PIEZO2: variants seen among roughly 807,000 people sequenced by gnomAD.
PIEZO2 encodes piezo type mechanosensitive ion channel component 2.
PIEZO2 carries 172 observed loss-of-function variants against 337.3 expected under a neutral mutation model. The observed-to-expected ratio is 0.51, with a 90% confidence interval of 0.45 to 0.58. PIEZO2 has a LOEUF of 0.58. Ranked by LOEUF, PIEZO2 falls within the 20% of genes least tolerant of loss-of-function variation. The pLI, the probability that PIEZO2 is intolerant of heterozygous loss-of-function variation, is 0.00. For missense variants in PIEZO2, 3,028 were observed against 3,391.3 expected, an observed-to-expected ratio of 0.89 and a Z score of 2.66; for synonymous variants, 1,251 against 1,228.5, an observed-to-expected ratio of 1.02 and a Z score of -0.38.
chr18:10,938,386 G>A (rs1252419875), intron 3 of PIEZO2, among the ~76,000 whole-genome samples: 1 of 152,306 alleles, frequency 6.6e-6, no homozygotes, highest in East Asian at 1.9e-4. Context: ...ATTAATAGCA[G>A]CAAGGTCTGA....
intron 2 of PIEZO2, among the ~76,000 whole-genome samples, chr18:11,018,834 A>G (rs1241742026): frequency 1.3e-5 from 2 of 152,158 alleles, no homozygotes; most frequent in Non-Finnish European, 2.9e-5. Flanking sequence ...GAGGTATACA[A>G]TTCTACCCAT....
At position 10,797,502 on chromosome 18, in the gene PIEZO2, C is replaced by T. The variant is rs1182477939; in HGVS notation, c.1399G>A (p.Glu467Lys). ...ESSEKREEEE[E>K]EKEEFEEERS... ...TCTTCTTCAAATTCTTCTTTCTCTT[C>T]CTCTTCCTCCTCTCGCTTTTCTAGA... The change falls in exon 12 of 56, where the codon GAA (glutamate) becomes AAA (lysine). Residue 467 changes from glutamate (E) to lysine (K), a missense_variant. Coordinates refer to ENST00000674853, the MANE Select transcript of PIEZO2 (RefSeq NM_001378183.1). The T allele has an allele frequency of 1.0e-5, 16 of 1,536,794 alleles. No homozygotes were observed. In the Admixed American group the frequency reaches 1.6e-4, roughly 15 times the overall value.
intron 43 of PIEZO2, among the ~76,000 whole-genome samples, chr18:10,701,001 A>G (rs997845534): frequency 1.2e-4 from 19 of 152,362 alleles, no homozygotes; most frequent in Admixed American, 8.5e-4. Flanking sequence ...AGTTTGAAAT[A>G]GCTCACTGAG....
chr18:11,141,062 C>T (rs1303507678), intron 1 of PIEZO2, among the ~76,000 whole-genome samples: 8 of 152,112 alleles, frequency 5.3e-5, no homozygotes, highest in Non-Finnish European at 4.4e-5. Flanking sequence ...GTTAACATAC[C>T]CGCTCCAATC....
chr18:10,758,679 G>A (rs940732913), intron 26 of PIEZO2, among the ~76,000 whole-genome samples: 2 of 152,136 alleles, frequency 1.3e-5, no homozygotes, highest in African/African-American at 2.4e-5. Context: ...ATCTTTTTAT[G>A]TGTGGTGGAT....
chr18:10,858,668 G>A (rs1158473047), intron 5 of PIEZO2, among the ~76,000 whole-genome samples: 2 of 152,192 alleles, frequency 1.3e-5, no homozygotes, highest in Admixed American at 1.3e-4. Flanking sequence ...AGGGACTGGA[G>A]TGCCAGTGCC....
chr18:10,766,228 AAC>A lies in PIEZO2; in HGVS notation c.2947-3132_2947-3131del, dbSNP rs2038348842. ...AAGGAAAGAAGAAGAAAGAAGGAGGAACAGGAGGAGGAGGAGGGATAAGGAAG... is the reference window on the plus strand; with the variant it reads ...AAGGAAAGAAGAAGAAAGAAGGAGGAAGGAGGAGGAGGAGGGATAAGGAAG... On this transcript the variant is annotated intron_variant, in intron 21 of 55. Transcript: ENST00000674853. This position sits in a 1 kb window ranked among gnomAD's most constrained non-coding sequence, Gnocchi z 6.1. Among the ~76,000 whole-genome samples, 11 of 102,458 alleles carry A rather than the reference AAC, an allele frequency of 1.1e-4. No individual in the cohort carries two copies. The highest frequency in any genetic ancestry group is 3.4e-4 in the South Asian group (1 of 2,982). The allele number at this position is 102,458 out of a possible 152,430, so 67.2% of individuals were successfully genotyped here. A position where few individuals can be genotyped will look rare whatever the true frequency, so the allele number is the denominator to read the frequency against.
intron 7 of PIEZO2, among the ~76,000 whole-genome samples, chr18:10,829,773 A>T (rs1312148093): frequency 2.6e-5 from 4 of 152,192 alleles, no homozygotes; most frequent in Non-Finnish European, 2.9e-5. Flanking sequence ...GAAAACTATA[A>T]AACATTGATG....
chr18:10,936,509 C>T (rs566767516), intron 3 of PIEZO2, among the ~76,000 whole-genome samples: 1 of 152,200 alleles, frequency 6.6e-6, no homozygotes, highest in East Asian at 1.9e-4. Flanking sequence ...TCCAGGGCTA[C>T]CGATGCGAAA....
chr18:10,906,318 T>C (rs1346305531), intron 4 of PIEZO2, among the ~76,000 whole-genome samples: 3 of 152,214 alleles, frequency 2.0e-5, no homozygotes, highest in Admixed American at 6.5e-5. Flanking sequence ...TTACACAGAA[T>C]GACTGAGAAT....
At chr18:11,020,964 G>C (rs915233250) in intron 2 of PIEZO2, among the ~76,000 whole-genome samples, 3 of 152,188 alleles carry the variant, frequency 2.0e-5, no homozygotes, top group Non-Finnish European at 4.4e-5. Flanking sequence ...GAAAGTGAAA[G>C]GTACAAAAAG....
intron 3 of PIEZO2, among the ~76,000 whole-genome samples, chr18:10,975,389 C>A (rs1176205345): frequency 6.6e-6 from 1 of 151,872 alleles, no homozygotes; most frequent in African/African-American, 2.4e-5. Context: ...GTAAGCGGCA[C>A]AACATATGTT....
intron 15 of PIEZO2, 46 bp downstream of exon 15, chr18:10,789,033 C>T (rs763892206): frequency 3.3e-6 from 5 of 1,502,020 alleles, no homozygotes; most frequent in Non-Finnish European, 4.4e-6. Context: ...CTCATGTATA[C>T]TCCTGGGAGA....
At chr18:11,011,118 C>A (rs2035884513) in intron 2 of PIEZO2, among the ~76,000 whole-genome samples, 1 of 152,188 alleles carries the variant, frequency 6.6e-6, no homozygotes, top group Admixed American at 6.5e-5. Context: ...CACAAATAGC[C>A]TCCTAAAGAC....
intron 7 of PIEZO2, among the ~76,000 whole-genome samples, chr18:10,823,642 C>T (rs1219617973): frequency 6.6e-6 from 1 of 152,082 alleles, no homozygotes; most frequent in Non-Finnish European, 1.5e-5. Context: ...TCAAAAAGTA[C>T]AGAGTGTGTG....
rs1032072130 is a variant in PIEZO2 at position 11,149,292 on chromosome 18, C to G, written c.-704G>C. On this transcript the variant is annotated 5_prime_UTR_variant, in exon 1 of 56. Transcript: ENST00000674853. This position sits in a 1 kb window ranked among gnomAD's most constrained non-coding sequence, Gnocchi z 8.7. ...GCTGCCAGGCGCGCAGAACCATCCC[C>G]GCCACCACGGGGCTCGCCTTGTGGG... is the stretch of plus-strand genomic sequence containing the variant. 3.3e-5 allele frequency among the ~76,000 whole-genome samples: 5 copies of G among 151,722 alleles called. No individual in the cohort carries two copies. The highest frequency in any genetic ancestry group is 6.6e-5 in the Admixed American group (1 of 15,262).
rs566297736 is a variant in PIEZO2 at position 11,102,858 on chromosome 18, G to A, written c.65-36636C>T. 5.9e-5 allele frequency among the ~76,000 whole-genome samples: 9 copies of A among 152,246 alleles called. 1 individual carries two copies. The East Asian group carries it at 7.7e-4, about 13-fold the overall frequency. ...CCTCTCCCTCCCAGGAGGCTGCCCCGTCCCCAAGGCACAGCACTTTCCAGT... is the reference window on the plus strand; with the variant it reads ...CCTCTCCCTCCCAGGAGGCTGCCCCATCCCCAAGGCACAGCACTTTCCAGT... On this transcript the variant is annotated intron_variant, in intron 1 of 55. Coordinates refer to ENST00000674853, the MANE Select transcript of PIEZO2 (RefSeq NM_001378183.1). This position sits in a 1 kb window ranked among gnomAD's most constrained non-coding sequence, Gnocchi z 5.7.
At chr18:10,705,158 T>C (rs149150683) in intron 41 of PIEZO2, among the ~76,000 whole-genome samples, 178 bp downstream of exon 41, 67 of 152,326 alleles carry the variant, frequency 4.4e-4, no homozygotes, top group African/African-American at 1.5e-3. Flanking sequence ...GAACCAGTCA[T>C]GGTAGGAGCG....
intron 4 of PIEZO2, among the ~76,000 whole-genome samples, chr18:10,883,997 G>A (rs534337914): frequency 8.6e-5 from 13 of 152,044 alleles, no homozygotes; most frequent in African/African-American, 2.7e-4. Flanking sequence ...ATTTTTAGTA[G>A]ATACGGGGTT....
Sources: allele counts gnomAD v4.1 joint callset (sites outside exome capture counted in the v4.1 genomes callset), GRCh38; gene constraint gnomAD v4.1.1; non-coding constraint Gnocchi (gnomAD v3.1); transcripts MANE v1.5; gene names NCBI Gene and HGNC (gene_info 2026-07-23, HGNC 2026-07-21).